The following GAS2 variants were observed in gnomAD, a reference collection of about 807,000 sequenced individuals.
GAS2 encodes growth arrest specific 2.
A neutral mutation model predicts 37.5 loss-of-function variants in GAS2; 20 were observed. The ratio of observed to expected loss-of-function variants is 0.53; its 90% confidence interval spans 0.37 to 0.77. The LOEUF is 0.77. Ranked by LOEUF, GAS2 falls within the 30% of genes least tolerant of loss-of-function variation. GAS2 has a pLI of 0.00. For missense variants in GAS2, 336 were observed against 373.4 expected (o/e 0.90, Z 0.82); for synonymous variants, 144 against 132.2 (o/e 1.09, Z -0.61).
At chr11:22,762,180 TA>T (rs1854426940) in intron 7 of GAS2, among the ~76,000 whole-genome samples, 1 of 152,154 alleles carries the variant, frequency 6.6e-6, no homozygotes. Context: ...TTTAAGGTAT[TA>T]AGGAATATTT....
chr11:22,634,553 C>T (rs1172368520), intron 1 of GAS2, among the ~76,000 whole-genome samples: 1 of 152,180 alleles, frequency 6.6e-6, no homozygotes, highest in Non-Finnish European at 1.5e-5. Flanking sequence ...AGTCTGGATT[C>T]TTTGGTCTCA....
chr11:22,808,262 C>T (rs2134686909), intron 7 of GAS2, among the ~76,000 whole-genome samples: 1 of 152,250 alleles, frequency 6.6e-6, no homozygotes, highest in East Asian at 1.9e-4. Context: ...ATGTTATTCA[C>T]AAAAATACAA....
intron 3 of GAS2, among the ~76,000 whole-genome samples, chr11:22,715,269 G>A (rs965294548): frequency 1.3e-5 from 2 of 151,740 alleles, no homozygotes; most frequent in Admixed American, 1.3e-4. Context: ...AGACCACCAT[G>A]AACAACATTT....
At chr11:22,699,934 T>G (rs1850745041) in intron 3 of GAS2, among the ~76,000 whole-genome samples, 1 of 152,096 alleles carries the variant, frequency 6.6e-6, no homozygotes. Flanking sequence ...CTGAATAAAA[T>G]GAAAGAACCA....
In GAS2 at chr11:22,725,765, G is replaced by T. The variant is rs553421060; in HGVS notation, c.268-527G>T. Among the ~76,000 whole-genome samples, 23 of 152,052 alleles carry T rather than the reference G, an allele frequency of 1.5e-4. 2 individuals are homozygous for T. The South Asian group carries it at 4.8e-3, about 32-fold the overall frequency. On this transcript the variant is annotated intron_variant, in intron 3 of 7. Transcript: ENST00000454584. ...TATTTTTTAACATTTCCCTTTCTTG[G>T]TATTGATGACTGAGACTTGTGATGT...
intron 1 of GAS2, among the ~76,000 whole-genome samples, chr11:22,639,398 T>C (rs1858881902): frequency 6.6e-6 from 1 of 152,226 alleles, no homozygotes; most frequent in Non-Finnish European, 1.5e-5. Flanking sequence ...GTCCTCACCT[T>C]GGACTCCCCA....
intron 7 of GAS2, among the ~76,000 whole-genome samples, chr11:22,794,460 C>G (rs1856332482): frequency 6.6e-6 from 1 of 152,076 alleles, no homozygotes; most frequent in South Asian, 2.1e-4. Context: ...GTGGCATATT[C>G]ATGAATTCAG....
intron 2 of GAS2, among the ~76,000 whole-genome samples, chr11:22,675,857 A>C (rs1387503744): frequency 1.3e-5 from 2 of 152,194 alleles, no homozygotes; most frequent in Admixed American, 1.3e-4. Context: ...AAGAGTTGTT[A>C]TCCTCATTTT....
intron 1 of GAS2, among the ~76,000 whole-genome samples, chr11:22,630,718 T>C (rs921026456): frequency 2.6e-5 from 4 of 152,252 alleles, no homozygotes; most frequent in Admixed American, 6.5e-5. Context: ...TCTATATATC[T>C]ACTTTTATAC....
At chr11:22,801,412 T>C (rs1856656630) in intron 7 of GAS2, among the ~76,000 whole-genome samples, 1 of 151,706 alleles carries the variant, frequency 6.6e-6, no homozygotes, top group African/African-American at 2.4e-5. Flanking sequence ...AGTATCTGGA[T>C]GAGCTAAGAA....
intron 6 of GAS2, among the ~76,000 whole-genome samples, chr11:22,755,362 G>T (rs548300473): frequency 6.6e-6 from 1 of 151,886 alleles, no homozygotes; most frequent in African/African-American, 2.4e-5. Context: ...TGAAACAATA[G>T]TCTCCTTAAA....
At chr11:22,682,744 A>G (rs1427037123) in intron 2 of GAS2, among the ~76,000 whole-genome samples, 2 of 151,416 alleles carry the variant, frequency 1.3e-5, no homozygotes, top group African/African-American at 2.4e-5. Flanking sequence ...TGGGCATGGT[A>G]GTGCATGCCT....
At chr11:22,807,923 C>T (rs1856972724) in intron 7 of GAS2, among the ~76,000 whole-genome samples, 1 of 151,798 alleles carries the variant, frequency 6.6e-6, no homozygotes, top group Admixed American at 6.6e-5. Context: ...TTGCTTGACA[C>T]TGTCTGGGAG....
intron 1 of GAS2, among the ~76,000 whole-genome samples, chr11:22,654,713 A>C (rs1379788006): frequency 2.6e-5 from 4 of 152,202 alleles, no homozygotes. Flanking sequence ...AGTAAGAATG[A>C]AATGACATGC....
chr11:22,783,719 C>T (rs1364520927), intron 7 of GAS2, among the ~76,000 whole-genome samples: 1 of 152,114 alleles, frequency 6.6e-6, no homozygotes, highest in African/African-American at 2.4e-5. Context: ...TGAGTTTTTA[C>T]TCCAATCCCC....
rs1554976312 is a variant in GAS2, at chr11:22,735,244, T to TC, written c.410-2461_410-2460insC. On this transcript the variant is annotated intron_variant, in intron 4 of 7. Transcript: ENST00000454584. ...TCATTCTTTTTTTTTTTTTTTTTTT[T>TC]GGTCCATTAGTGGCCAGGCTTGGTA... 9.7e-3 allele frequency among the ~76,000 whole-genome samples: 1,446 copies of TC among 148,632 alleles called. 30 individuals are homozygous for TC. Among genetic ancestry groups the TC allele is most frequent in the African/African-American group, 0.035 (1,380 of 39,858 alleles).
At chr11:22,754,455 C>G (rs968552835) in intron 6 of GAS2, among the ~76,000 whole-genome samples, 4 of 152,012 alleles carry the variant, frequency 2.6e-5, no homozygotes, top group African/African-American at 7.2e-5. Flanking sequence ...TTAAGGATGG[C>G]AAAAAGGACT....
chr11:22,677,723 GTCAGGAGACCTGGCC>G (rs1565079824), intron 2 of GAS2, among the ~76,000 whole-genome samples: 1 of 152,080 alleles, frequency 6.6e-6, no homozygotes, highest in Non-Finnish European at 1.5e-5. Flanking sequence ...CTAACTGGGC[GTCAGGAGACCTGGCC>G]TCTGGTTCTG....
At chr11:22,635,289 C>G (rs7124138) in intron 1 of GAS2, among the ~76,000 whole-genome samples, 1,922 of 152,286 alleles carry the variant, frequency 0.013, 14 homozygotes, top group Non-Finnish European at 0.02. Flanking sequence ...AGCAGCAGCT[C>G]TAGTGGAGAT....
Sources: allele counts gnomAD v4.1 joint callset (sites outside exome capture counted in the v4.1 genomes callset), GRCh38; gene constraint gnomAD v4.1.1; transcripts MANE v1.5; gene names NCBI Gene and HGNC (gene_info 2026-07-23, HGNC 2026-07-21).